The following COP1 variants were observed in gnomAD, a reference collection of about 807,000 sequenced individuals.
COP1 encodes the protein COP1 E3 ubiquitin ligase.
A neutral mutation model predicts 101.3 loss-of-function variants in COP1; 24 were observed. The observed-to-expected ratio is 0.24, with a 90% CI of 0.17 to 0.33. The LOEUF is 0.33. Among genes scored for constraint, COP1 ranks in the 10% least tolerant of loss-of-function variants. COP1 has a pLI of 1.00. For missense variants in COP1, 663 were observed against 906.2 expected, an observed-to-expected ratio of 0.73 and a Z score of 3.45; for synonymous variants, 347 against 341.9, an observed-to-expected ratio of 1.01 and a Z score of -0.17.
chr1:176,074,277 G>C (rs1481573133), intron 11 of COP1, among the ~76,000 whole-genome samples: 2 of 151,952 alleles, frequency 1.3e-5, no homozygotes, highest in Non-Finnish European at 2.9e-5. Flanking sequence ...TTTTTGGGAG[G>C]AATTAGAAGG....
intron 10 of COP1, among the ~76,000 whole-genome samples, chr1:176,084,588 T>A (rs1238784600): frequency 6.6e-6 from 1 of 152,140 alleles, no homozygotes; most frequent in Non-Finnish European, 1.5e-5. Flanking sequence ...AATAAGGGGC[T>A]CCATTCCCAG....
chr1:176,085,905 A>C lies in COP1; in HGVS notation c.1027-15T>G, dbSNP rs1297574678. ...TGTTTCTTTGTCTAAAATAATAAGA[A>C]AAGACACAAAACTTAGAATAAACAA... On this transcript the variant is annotated splice_polypyrimidine_tract_variant and intron_variant, in intron 9 of 19. Transcript: ENST00000367669. The C allele has an allele frequency of 4.9e-6, 7 of 1,425,082 alleles. No individual in the cohort carries two copies. Among genetic ancestry groups the C allele is most frequent in the African/African-American group, 4.2e-5 (3 of 71,240 alleles). 88.3% of individuals were successfully genotyped at this position (1,425,082 alleles called of 1,614,324 possible).
chr1:175,954,478 C>T (rs1331579235), intron 18 of COP1, among the ~76,000 whole-genome samples: 1 of 151,720 alleles, frequency 6.6e-6, no homozygotes, highest in Non-Finnish European at 1.5e-5. Context: ...AAAGTTAATT[C>T]ATTGAAAAAA....
intron 11 of COP1, among the ~76,000 whole-genome samples, chr1:176,065,366 T>C (rs1416950045): frequency 6.6e-6 from 1 of 152,232 alleles, no homozygotes; most frequent in African/African-American, 2.4e-5. Flanking sequence ...TAAAAATGTC[T>C]GATGGAAGCA....
chr1:176,183,946 G>C (rs1159996980), intron 2 of COP1, among the ~76,000 whole-genome samples: 1 of 152,028 alleles, frequency 6.6e-6, no homozygotes, highest in Non-Finnish European at 1.5e-5. Context: ...AAGGGGAAAT[G>C]GGGAATTGTT....
At chr1:176,160,034 T>C (rs979401626) in intron 5 of COP1, among the ~76,000 whole-genome samples, 7 of 152,132 alleles carry the variant, frequency 4.6e-5, no homozygotes, top group African/African-American at 1.4e-4. Flanking sequence ...AAAGCAATAA[T>C]GTAAAAAAAT....
chr1:176,001,320 G>T (rs913070767), intron 15 of COP1, among the ~76,000 whole-genome samples: 2 of 152,104 alleles, frequency 1.3e-5, no homozygotes, highest in East Asian at 3.8e-4. Flanking sequence ...TGAGTACGAT[G>T]TTAACATCAT....
chr1:176,096,036 A>G (rs1342672699), intron 9 of COP1, among the ~76,000 whole-genome samples: 1 of 152,004 alleles, frequency 6.6e-6, no homozygotes, highest in Non-Finnish European at 1.5e-5. Context: ...TGCTTTGCTG[A>G]GCGTTATTTT....
At chr1:175,963,052 T>C (rs1264230362) in intron 18 of COP1, among the ~76,000 whole-genome samples, 1 of 152,080 alleles carries the variant, frequency 6.6e-6, no homozygotes, top group East Asian at 1.9e-4. Context: ...GTTATTCTTA[T>C]TCCCCAGAAG....
intron 14 of COP1, among the ~76,000 whole-genome samples, chr1:176,040,654 T>C (rs575309498): frequency 5.9e-4 from 90 of 152,302 alleles, no homozygotes; most frequent in Admixed American, 1.6e-3. Flanking sequence ...ATTCTGTATA[T>C]AGTAGGAATA....
At chr1:175,960,421 A>T (rs1651196727) in intron 18 of COP1, among the ~76,000 whole-genome samples, 1 of 152,232 alleles carries the variant, frequency 6.6e-6, no homozygotes, top group Non-Finnish European at 1.5e-5. Flanking sequence ...TAAAGTATGT[A>T]TCTTATAAGT....
At chr1:175,995,832 G>C (rs890798006) in intron 15 of COP1, among the ~76,000 whole-genome samples, 1 of 152,192 alleles carries the variant, frequency 6.6e-6, no homozygotes, top group Non-Finnish European at 1.5e-5. Context: ...GGAGGAACTG[G>C]TATCATTCCT....
At chr1:176,052,138 C>A (rs1248899083) in intron 11 of COP1, among the ~76,000 whole-genome samples, 2 of 152,106 alleles carry the variant, frequency 1.3e-5, no homozygotes, top group Non-Finnish European at 1.5e-5. Flanking sequence ...GCCCTATACA[C>A]GTGTACCAGT....
At chr1:176,079,065 G>C (rs966166951) in intron 11 of COP1, among the ~76,000 whole-genome samples, 1 of 152,086 alleles carries the variant, frequency 6.6e-6, no homozygotes, top group African/African-American at 2.4e-5. Context: ...CAACCACTAT[G>C]GAAAGCAGTT....
intron 18 of COP1, among the ~76,000 whole-genome samples, chr1:175,971,239 T>G (rs990683960): frequency 6.6e-6 from 1 of 152,208 alleles, no homozygotes; most frequent in African/African-American, 2.4e-5. Flanking sequence ...TTTTTTTTGT[T>G]GTACAGAACA....
chr1:176,057,210 T>A (rs115481769), intron 11 of COP1, among the ~76,000 whole-genome samples: 23 of 152,316 alleles, frequency 1.5e-4, no homozygotes, highest in Admixed American at 3.9e-4. Flanking sequence ...GCTATGTAGC[T>A]CCGAAATGAT....
chr1:176,187,202 G>A (rs538941728), intron 1 of COP1, among the ~76,000 whole-genome samples: 1 of 152,102 alleles, frequency 6.6e-6, no homozygotes, highest in East Asian at 1.9e-4. Flanking sequence ...ATGACTCACT[G>A]CAACTTCGAC....
intron 15 of COP1, among the ~76,000 whole-genome samples, chr1:175,994,521 A>T: frequency 6.6e-6 from 1 of 152,214 alleles, no homozygotes; most frequent in East Asian, 1.9e-4. Flanking sequence ...AGAGACACAC[A>T]TAGGCTCAAA....
chr1:176,119,310 T>C (rs1686717056), intron 8 of COP1, among the ~76,000 whole-genome samples: 1 of 152,210 alleles, frequency 6.6e-6, no homozygotes, highest in African/African-American at 2.4e-5. Context: ...TAGAGGCCTA[T>C]AGAACAGAAC....
Sources: allele counts gnomAD v4.1 joint callset (sites outside exome capture counted in the v4.1 genomes callset), GRCh38; gene constraint gnomAD v4.1.1; transcripts MANE v1.5; gene names NCBI Gene and HGNC (gene_info 2026-07-23, HGNC 2026-07-21).